The following FAM227B variants were observed in gnomAD, a reference collection of about 807,000 sequenced individuals.
FAM227B encodes the protein protein FAM227B.
In FAM227B, 88 loss-of-function variants were observed where a neutral mutation model predicts 73.8. The observed-to-expected ratio is 1.19, with a 90% confidence interval of 1.00 to 1.42. The LOEUF (loss-of-function observed/expected upper bound fraction) is 1.42. Among genes scored for constraint, FAM227B ranks in the 40% most tolerant of loss-of-function variants. FAM227B has a pLI of 0.00. For missense variants in FAM227B, 632 were observed against 590.9 expected (o/e 1.07, Z -0.72); for synonymous variants, 210 against 190.5 (o/e 1.10, Z -0.84).
chr15:49,574,287 T>C (rs2075305746), intron 8 of FAM227B, among the ~76,000 whole-genome samples: 1 of 152,124 alleles, frequency 6.6e-6, no homozygotes. Flanking sequence ...GATTCCCAGA[T>C]ACCCCCTCTG....
At chr15:49,444,989 CATATTCAT>C (rs1193077578) in intron 11 of FAM227B, among the ~76,000 whole-genome samples, 5 of 151,636 alleles carry the variant, frequency 3.3e-5, no homozygotes, top group Middle Eastern at 3.4e-3. Flanking sequence ...CATTCTGATT[CATATTCAT>C]ATATTCATAT....
At chr15:49,362,892 ATTAC>A (rs1173714340) in intron 13 of FAM227B, among the ~76,000 whole-genome samples, 2 of 152,130 alleles carry the variant, frequency 1.3e-5, no homozygotes, top group African/African-American at 2.4e-5. Flanking sequence ...TCCTTTCCCT[ATTAC>A]TTGTTTTGTC....
intron 11 of FAM227B, among the ~76,000 whole-genome samples, chr15:49,498,248 T>C (rs895732622): frequency 6.6e-6 from 1 of 152,232 alleles, no homozygotes; most frequent in African/African-American, 2.4e-5. Context: ...TTTCAATTTA[T>C]AGTCTAGCAC....
At chr15:49,493,853 T>A (rs1308609612) in intron 11 of FAM227B, among the ~76,000 whole-genome samples, 1 of 139,036 alleles carries the variant, frequency 7.2e-6, no homozygotes, top group Non-Finnish European at 1.6e-5. Flanking sequence ...TATAAAGGGG[T>A]CTGTGTATGT....
intron 3 of FAM227B, among the ~76,000 whole-genome samples, chr15:49,604,246 G>A (rs894274693): frequency 5.3e-5 from 8 of 152,002 alleles, no homozygotes; most frequent in Non-Finnish European, 4.4e-5. Context: ...TTAGCATCTA[G>A]TGGTGATAAA....
intron 11 of FAM227B, among the ~76,000 whole-genome samples, chr15:49,389,995 G>A (rs1199069811): frequency 6.6e-6 from 1 of 152,000 alleles, no homozygotes; most frequent in Non-Finnish European, 1.5e-5. Context: ...GGAGAGTGTG[G>A]TAATCAGTTG....
At chr15:49,444,021 C>T (rs1003618090) in intron 11 of FAM227B, among the ~76,000 whole-genome samples, 4 of 151,568 alleles carry the variant, frequency 2.6e-5, no homozygotes, top group Non-Finnish European at 4.4e-5. Flanking sequence ...ATAAACACAT[C>T]AGAATAGCAG....
intron 11 of FAM227B, among the ~76,000 whole-genome samples, chr15:49,452,986 T>C (rs2052910086): frequency 6.6e-6 from 1 of 152,158 alleles, no homozygotes; most frequent in African/African-American, 2.4e-5. Flanking sequence ...GGGCCCAAAT[T>C]CACAAAATTA....
intron 9 of FAM227B, among the ~76,000 whole-genome samples, chr15:49,552,670 T>C (rs1567562057): frequency 1.3e-5 from 2 of 152,126 alleles, no homozygotes; most frequent in African/African-American, 4.8e-5. Flanking sequence ...TTGTTTTTTG[T>C]TTTTTTCTTT....
intron 11 of FAM227B, among the ~76,000 whole-genome samples, chr15:49,490,732 A>C (rs1398305701): frequency 6.6e-6 from 1 of 151,984 alleles, no homozygotes; most frequent in Non-Finnish European, 1.5e-5. Context: ...TGAAGTAAAT[A>C]TATTTAGGGC....
intron 11 of FAM227B, among the ~76,000 whole-genome samples, chr15:49,379,387 T>C (rs2046375566): frequency 6.6e-6 from 1 of 152,188 alleles, no homozygotes; most frequent in Non-Finnish European, 1.5e-5. Flanking sequence ...GTTAGTTCTT[T>C]AAATGTTTGC....
At chr15:49,561,877 A>T (rs1295793964) in intron 9 of FAM227B, among the ~76,000 whole-genome samples, 1 of 152,132 alleles carries the variant, frequency 6.6e-6, no homozygotes, top group East Asian at 1.9e-4. Context: ...ATAGCACTAA[A>T]CACCTACATA....
intron 10 of FAM227B, among the ~76,000 whole-genome samples, chr15:49,520,800 G>A (rs146639908): frequency 4.6e-5 from 7 of 152,250 alleles, no homozygotes; most frequent in East Asian, 3.9e-4. Context: ...TGAGATTTGC[G>A]TGGGGACACA....
At chr15:49,479,576 A>G (rs2055695936) in intron 11 of FAM227B, among the ~76,000 whole-genome samples, 1 of 136,932 alleles carries the variant, frequency 7.3e-6, no homozygotes, top group Non-Finnish European at 1.6e-5. Flanking sequence ...TTTGGAGGGT[A>G]GGATTTCATA....
At chr15:49,332,362 G>A (rs973667116) in intron 14 of FAM227B, among the ~76,000 whole-genome samples, 9 of 152,236 alleles carry the variant, frequency 5.9e-5, no homozygotes, top group Non-Finnish European at 8.8e-5. Context: ...GAAAGAAAGA[G>A]AGGGAGATGG....
At chr15:49,421,390 T>C (rs1488856758) in intron 11 of FAM227B, among the ~76,000 whole-genome samples, 1 of 152,246 alleles carries the variant, frequency 6.6e-6, no homozygotes, top group African/African-American at 2.4e-5. Context: ...TTGATATTAA[T>C]CTGTTCATTA....
At chr15:49,367,369 CAATT>C (rs2045383132) in intron 13 of FAM227B, 75 bp downstream of exon 13, 10 of 1,236,450 alleles carry the variant, frequency 8.1e-6, no homozygotes, top group Non-Finnish European at 1.1e-5. Flanking sequence ...ATTTGTTTCT[CAATT>C]GAGACATTCA....
At chr15:49,593,396 T>A (rs1357735693) in intron 3 of FAM227B, among the ~76,000 whole-genome samples, 2 of 147,210 alleles carry the variant, frequency 1.4e-5, no homozygotes, top group East Asian at 1.9e-4. Flanking sequence ...ATTTTAAAAA[T>A]TTTTTTTGCT....
At chr15:49,354,925 C>T (rs1360986206) in intron 13 of FAM227B, among the ~76,000 whole-genome samples, 1 of 151,982 alleles carries the variant, frequency 6.6e-6, no homozygotes, top group Non-Finnish European at 1.5e-5. Context: ...CAAGTGGGTC[C>T]CTGACCCCTG....
Sources: gnomAD v4.1 joint callset for allele counts (sites outside exome capture counted in the v4.1 genomes callset) on GRCh38, gnomAD v4.1.1 for gene constraint, MANE v1.5 for transcripts, NCBI Gene and HGNC (gene_info 2026-07-23, HGNC 2026-07-21) for gene names.